KAT2B: variants seen among roughly 807,000 people sequenced by gnomAD.
The protein encoded by KAT2B is histone acetyltransferase KAT2B.
Under a neutral mutation model 105.9 loss-of-function variants are expected in KAT2B, and 36 were observed. That is an observed-to-expected ratio of 0.34 (90% CI 0.26 to 0.45). KAT2B has a LOEUF of 0.45. Ranked by LOEUF, KAT2B falls within the 20% of genes least tolerant of loss-of-function variation. KAT2B has a pLI of 1.00. For synonymous variants in KAT2B, 397 were observed against 377.9 expected (o/e 1.05, Z -0.59); for missense variants, 820 against 1,021.6 (o/e 0.80, Z 2.69).
intron 1 of KAT2B, among the ~76,000 whole-genome samples, chr3:20,071,534 T>C (rs1006354585): frequency 6.6e-6 from 1 of 152,244 alleles, no homozygotes; most frequent in Non-Finnish European, 1.5e-5. Flanking sequence ...TACAGTGTGG[T>C]ACCTGGTAGA....
chr3:20,082,483 C>G (rs1231757351), intron 2 of KAT2B, among the ~76,000 whole-genome samples: 1 of 152,152 alleles, frequency 6.6e-6, no homozygotes, highest in African/African-American at 2.4e-5. Context: ...TTCCATTAAG[C>G]CTCCACTCAA....
intron 1 of KAT2B, among the ~76,000 whole-genome samples, chr3:20,048,931 C>T (rs1372428318): frequency 1.3e-5 from 2 of 152,040 alleles, no homozygotes; most frequent in Admixed American, 6.6e-5. Context: ...AGTGCAGTGG[C>T]GTGCACTGCA....
chr3:20,139,738 AT>A (rs1048097075), intron 12 of KAT2B, among the ~76,000 whole-genome samples: 5 of 152,122 alleles, frequency 3.3e-5, no homozygotes, highest in African/African-American at 1.2e-4. Flanking sequence ...ACTGTCTGGA[AT>A]TTTTTTGCCT....
Position 20,142,845 on chromosome 3 carries a change from C to T in KAT2B, c.2004+2481C>T, listed in dbSNP as rs77820109. On this transcript the variant is annotated intron_variant, in intron 13 of 17. Coordinates refer to ENST00000263754, the MANE Select transcript of KAT2B (RefSeq NM_003884.5). The stretch of plus-strand genomic sequence containing the variant: ...GATGAAGGCACTATTTGAGAAAGCG[C>T]GAATAGGCTATGAGCAAGCATAATT... 7.2e-5 allele frequency among the ~76,000 whole-genome samples: 11 copies of T among 151,890 alleles called. No homozygotes were observed. The East Asian group carries it at 7.7e-4, about 11-fold the overall frequency.
At chr3:20,131,233 C>T (rs2125183793) in intron 11 of KAT2B, among the ~76,000 whole-genome samples, 1 of 151,958 alleles carries the variant, frequency 6.6e-6, no homozygotes, top group Non-Finnish European at 1.5e-5. Flanking sequence ...CCAGGCTGGT[C>T]TCAAACTCCT....
At chr3:20,102,702 A>G (rs1335373523) in intron 5 of KAT2B, among the ~76,000 whole-genome samples, 2 of 152,226 alleles carry the variant, frequency 1.3e-5, no homozygotes, top group East Asian at 1.9e-4. Context: ...AAGGACCTAC[A>G]TTTATTTTCA....
At chr3:20,048,242 T>C (rs1227290719) in intron 1 of KAT2B, among the ~76,000 whole-genome samples, 24 of 152,174 alleles carry the variant, frequency 1.6e-4, no homozygotes, top group Admixed American at 1.6e-3. Flanking sequence ...TAATTCTGTA[T>C]CCTCAGAAAT....
chr3:20,096,808 C>A (rs1698819268), intron 3 of KAT2B, among the ~76,000 whole-genome samples: 2 of 151,962 alleles, frequency 1.3e-5, no homozygotes, highest in South Asian at 2.1e-4. Context: ...TGCCTTTCCC[C>A]CTTTTTATTA....
At chr3:20,052,446 G>A (rs1211188208) in intron 1 of KAT2B, among the ~76,000 whole-genome samples, 1 of 152,054 alleles carries the variant, frequency 6.6e-6, no homozygotes, top group African/African-American at 2.4e-5. Context: ...CATATCTCGG[G>A]TGGATCATAC....
chr3:20,138,630 T>C (rs1394339914), intron 12 of KAT2B, among the ~76,000 whole-genome samples: 2 of 152,204 alleles, frequency 1.3e-5, no homozygotes, highest in East Asian at 3.8e-4. Flanking sequence ...ATGTTTGAAT[T>C]TATTTATGTG....
intron 1 of KAT2B, among the ~76,000 whole-genome samples, chr3:20,052,908 G>A (rs912052155): frequency 4.6e-5 from 7 of 152,182 alleles, no homozygotes; most frequent in African/African-American, 1.7e-4. Context: ...CCCAGGAGGC[G>A]GAGGTTGCGG....
intron 8 of KAT2B, among the ~76,000 whole-genome samples, chr3:20,122,091 T>G (rs1286485876): frequency 3.3e-5 from 5 of 152,112 alleles, no homozygotes; most frequent in African/African-American, 1.2e-4. Flanking sequence ...CGGTTGAGGC[T>G]TTAAACAAAC....
chr3:20,056,656 T>A (rs1240829931), intron 1 of KAT2B, among the ~76,000 whole-genome samples: 1 of 152,196 alleles, frequency 6.6e-6, no homozygotes, highest in African/African-American at 2.4e-5. Context: ...ACATAGGGTC[T>A]GCTAGGTTAG....
Position 20,040,504 on chromosome 3 carries a change from G to C in KAT2B, c.27G>C (p.Pro9=). 9.7e-7 allele frequency: 1 copy of C among 1,028,018 alleles called. No individual in the cohort carries two copies. Among genetic ancestry groups the C allele is most frequent in the South Asian group, 4.5e-5 (1 of 22,430 alleles). The allele number at this position is 1,028,018 out of a possible 1,614,324, so 63.7% of individuals were successfully genotyped here. A position where few individuals can be genotyped will look rare whatever the true frequency, so the allele number is the denominator to read the frequency against. MSEAGGAG[P]GGCGAGAGAG... ...TGTCCGAGGCTGGCGGGGCCGGGCC[G>C]GGCGGCTGCGGGGCAGGAGCCGGGG... Residue 9 remains proline (P), a synonymous_variant, in exon 1 of 18, where the codon CCG becomes CCC. Coordinates refer to ENST00000263754, the MANE Select transcript of KAT2B (RefSeq NM_003884.5).
At chr3:20,099,798 G>T in intron 3 of KAT2B, 64 bp from the exon 4 acceptor site, 1 of 779,728 alleles carries the variant, frequency 1.3e-6, no homozygotes, top group Non-Finnish European at 2.2e-6. Flanking sequence ...AGAAGAGAGA[G>T]GAGAGAGAGA....
At chr3:20,110,785 G>A (rs1022725644) in intron 5 of KAT2B, among the ~76,000 whole-genome samples, 3 of 151,924 alleles carry the variant, frequency 2.0e-5, no homozygotes, top group Non-Finnish European at 4.4e-5. Context: ...TAGATGACCT[G>A]TATTGTCAGT....
chr3:20,073,429 A>G (rs974894570), intron 2 of KAT2B, among the ~76,000 whole-genome samples: 1 of 152,198 alleles, frequency 6.6e-6, no homozygotes, highest in Non-Finnish European at 1.5e-5. Context: ...CAAGGTTAGC[A>G]TGGTGTTAGG....
At chr3:20,059,742 A>G (rs944756389) in intron 1 of KAT2B, among the ~76,000 whole-genome samples, 2 of 152,202 alleles carry the variant, frequency 1.3e-5, no homozygotes, top group African/African-American at 4.8e-5. Flanking sequence ...TTACTGAGTT[A>G]TGATTTAGGT....
rs546873437 is a variant in KAT2B, at chr3:20,109,518, A to C, written c.852-2078A>C. Among the ~76,000 whole-genome samples, 270 of 152,190 alleles carry C rather than the reference A, an allele frequency of 1.8e-3. 3 individuals carry two copies. The highest frequency in any genetic ancestry group is 6.3e-3 in the African/African-American group (262 of 41,522). Reference sequence around the variant, plus strand: ...TTTTTGTAGAGATGGGCGTCTTACTATGTTGCCCAGGCTGGTCTTGAACTC... The same window carrying C: ...TTTTTGTAGAGATGGGCGTCTTACTCTGTTGCCCAGGCTGGTCTTGAACTC... On this transcript the variant is annotated intron_variant, in intron 5 of 17. Coordinates refer to ENST00000263754, the MANE Select transcript of KAT2B (RefSeq NM_003884.5).
Sources: gnomAD v4.1 joint callset for allele counts (sites outside exome capture counted in the v4.1 genomes callset) on GRCh38, gnomAD v4.1.1 for gene constraint, MANE v1.5 for transcripts, NCBI Gene and HGNC (gene_info 2026-07-23, HGNC 2026-07-21) for gene names.